The following OCM variants were observed in gnomAD, a reference collection of about 807,000 sequenced individuals.
OCM encodes oncomodulin.
OCM carries 18 observed loss-of-function variants against 14.1 expected under a neutral mutation model. The ratio of observed to expected loss-of-function variants is 1.28; its 90% CI spans 0.88 to 1.89. The LOEUF (loss-of-function observed/expected upper bound fraction) is 1.89, where lower values mean the gene tolerates loss of function less well. Among genes scored for constraint, OCM ranks in the 40% most tolerant of loss-of-function variants. The pLI is 0.00. For synonymous variants in OCM, 48 were observed against 51.0 expected (o/e 0.94, Z 0.25); for missense variants, 140 against 137.6 (o/e 1.02, Z -0.09).
intron 1 of OCM, among the ~76,000 whole-genome samples, chr7:5,882,015 A>C (rs1781224646): frequency 7.5e-6 from 1 of 132,848 alleles, no homozygotes; most frequent in South Asian, 2.6e-4. Context: ...TGAACCCGGG[A>C]GGCAGAGGTT....
the OCM span, among the ~76,000 whole-genome samples, chr7:5,872,294 C>T: frequency 4.6e-5 from 7 of 152,268 alleles, 1 homozygote; most frequent in South Asian, 1.5e-3. Flanking sequence ...CTGTCCTTTT[C>T]ACGCAGCCCT....
chr7:5,881,559 G>A (rs1276652201), intron 1 of OCM, among the ~76,000 whole-genome samples: 2 of 152,082 alleles, frequency 1.3e-5, no homozygotes, highest in African/African-American at 2.4e-5. Flanking sequence ...AAGCCCAGGA[G>A]GTTGAGGCTG....
At chr7:5,873,155 A>G in the OCM span, among the ~76,000 whole-genome samples, 1 of 152,166 alleles carries the variant, frequency 6.6e-6, no homozygotes, top group Non-Finnish European at 1.5e-5. Context: ...CAGGTGGATT[A>G]CTTGAGGTCA....
chr7:5,864,298 G>C, the OCM span, among the ~76,000 whole-genome samples: 1 of 150,574 alleles, frequency 6.6e-6, no homozygotes, highest in African/African-American at 2.4e-5. Context: ...GGTGAGCTGT[G>C]ATCGCACCAC....
the OCM span, among the ~76,000 whole-genome samples, chr7:5,860,659 C>T: frequency 1.2e-5 from 1 of 85,408 alleles, no homozygotes; most frequent in Non-Finnish European, 2.1e-5. Context: ...ATATATATTA[C>T]GTATATATAC....
the OCM span, among the ~76,000 whole-genome samples, chr7:5,866,156 T>TA: frequency 6.7e-6 from 1 of 148,794 alleles, no homozygotes; most frequent in Admixed American, 6.7e-5. Flanking sequence ...CCCCAGTCTC[T>TA]ACAAAAAAAA....
chr7:5,863,614 C>T, the OCM span, among the ~76,000 whole-genome samples: 41 of 150,994 alleles, frequency 2.7e-4, no homozygotes, highest in African/African-American at 9.2e-4. Flanking sequence ...CTCACTGCAA[C>T]CTCCACCTCC....
the OCM span, among the ~76,000 whole-genome samples, chr7:5,873,315 C>T: frequency 7.9e-5 from 12 of 151,766 alleles, no homozygotes; most frequent in South Asian, 2.1e-4. Flanking sequence ...AGGTAGAGGT[C>T]GCAGTGAGCC....
the OCM span, among the ~76,000 whole-genome samples, chr7:5,861,219 C>T: frequency 1.3e-5 from 2 of 151,996 alleles, no homozygotes; most frequent in South Asian, 2.1e-4. Context: ...GTCAGGAGTT[C>T]GAGACCAGCC....
chr7:5,882,085 CAAAAAAAAAAAAAAAAAA>C (rs60321561), intron 1 of OCM, among the ~76,000 whole-genome samples: 56 of 45,974 alleles, frequency 1.2e-3, no homozygotes, highest in Admixed American at 6.2e-3. Flanking sequence ...GACTCTGTCT[CAAAAAAAAAAAAAAAAAA>C]AAAAAAAAAA....
intron 2 of OCM, among the ~76,000 whole-genome samples, chr7:5,883,536 T>C (rs1781269311): frequency 6.6e-6 from 1 of 151,380 alleles, no homozygotes; most frequent in African/African-American, 2.4e-5. Context: ...AAAATACAAA[T>C]GTTAGTGGGG....
the OCM span, among the ~76,000 whole-genome samples, chr7:5,862,928 A>T: frequency 6.6e-6 from 1 of 150,658 alleles, no homozygotes; most frequent in Non-Finnish European, 1.5e-5. Context: ...TAAAATGTAG[A>T]TTTACTGGGC....
the OCM span, among the ~76,000 whole-genome samples, chr7:5,862,345 C>A: frequency 1.8e-4 from 28 of 152,116 alleles, no homozygotes; most frequent in Admixed American, 1.6e-3. Flanking sequence ...AGCCAGGTGC[C>A]CACCAAGACA....
the OCM span, among the ~76,000 whole-genome samples, chr7:5,868,540 A>C: frequency 6.6e-6 from 1 of 152,050 alleles, no homozygotes; most frequent in East Asian, 1.9e-4. Context: ...GGATTTTGCC[A>C]TCAGTTTCAC....
At chr7:5,881,657 G>T in intron 1 of OCM, among the ~76,000 whole-genome samples, 1 of 121,370 alleles carries the variant, frequency 8.2e-6, no homozygotes, top group Non-Finnish European at 1.8e-5. Flanking sequence ...AAATAAATAA[G>T]AGGTTGGCTG....
At chr7:5,883,829 G>A in intron 2 of OCM, 61 bp from the exon 3 acceptor site, 2 of 1,602,278 alleles carry the variant, frequency 1.2e-6, no homozygotes, top group African/African-American at 1.3e-5. Context: ...AAAAACAAAA[G>A]TGTAAACACA....
At chr7:5,864,119 C>T in the OCM span, among the ~76,000 whole-genome samples, 30 of 151,776 alleles carry the variant, frequency 2.0e-4, no homozygotes, top group Non-Finnish European at 4.0e-4. Context: ...GCAGGAGGGT[C>T]GCTTGAGCCC....
chr7:5,883,911 G>C lies in OCM; in HGVS notation c.216G>C (p.Glu72Asp). 6.2e-7 allele frequency: 1 copy of C among 1,612,762 alleles called. No homozygotes were observed. Among genetic ancestry groups the C allele is most frequent in the South Asian group, 1.1e-5 (1 of 90,828 alleles). Residue 72 changes from glutamate (E) to aspartate (D), a missense_variant, in exon 3 of 4, where the codon GAG (glutamate) becomes GAC (aspartate). By Grantham distance (45) the Glu-to-Asp change is conservative. Transcript: ENST00000242104. Reference protein sequence around the residue: ...EELKFFLQKFESGARELTESE... With the variant: ...EELKFFLQKFDSGARELTESE... ...GTAGGTTTTTCCTCCAGAAGTTTGAGAGTGGTGCCAGAGAACTGACCGAGT... is the reference window on the plus strand; with the variant it reads ...GTAGGTTTTTCCTCCAGAAGTTTGACAGTGGTGCCAGAGAACTGACCGAGT...
the OCM span, among the ~76,000 whole-genome samples, chr7:5,873,441 G>A: frequency 6.6e-6 from 1 of 152,108 alleles, no homozygotes; most frequent in African/African-American, 2.4e-5. Flanking sequence ...GTACATGCCT[G>A]TAGTCCCACC....
Sources: allele counts gnomAD v4.1 joint callset (sites outside exome capture counted in the v4.1 genomes callset), GRCh38; gene constraint gnomAD v4.1.1; transcripts MANE v1.5; gene names NCBI Gene and HGNC (gene_info 2026-07-23, HGNC 2026-07-21).